The following NETO2 variants were observed in gnomAD, a reference collection of about 807,000 sequenced individuals.
NETO2 encodes neuropilin and tolloid-like protein 2.
NETO2 carries 28 observed loss-of-function variants against 62.5 expected under a neutral mutation model. The ratio of observed to expected loss-of-function variants is 0.45; its 90% CI spans 0.33 to 0.61. NETO2 has a LOEUF of 0.61. Among genes scored for constraint, NETO2 ranks in the 20% least tolerant of loss-of-function variants. The pLI, the probability that NETO2 is intolerant of heterozygous loss-of-function variation, is 0.02. For synonymous variants in NETO2, 214 were observed against 219.1 expected (o/e 0.98, Z 0.21); for missense variants, 548 against 643.2 (o/e 0.85, Z 1.60).
rs1278317405 is a variant in NETO2 at position 47,081,341 on chromosome 16, G to A, written c.*1880C>T. The A allele has an allele frequency of 6.6e-6, 1 of 152,056 alleles. No individual in the cohort carries two copies. Among genetic ancestry groups the A allele is most frequent in the Non-Finnish European group, 1.5e-5 (1 of 67,966 alleles). The allele number at this position is 152,056 out of a possible 1,614,324, so 9.4% of individuals were successfully genotyped here. A position where few individuals can be genotyped will look rare whatever the true frequency, so the allele number is the denominator to read the frequency against. On this transcript the variant is annotated 3_prime_UTR_variant, in exon 9 of 9. Coordinates refer to ENST00000562435, the MANE Select transcript of NETO2 (RefSeq NM_018092.5). ...GCATAACTACTGAAAAAACTTAGCT[G>A]TCTCTGGTATTAGTTCATTGAATAT...
chr16:47,120,369 T>C (rs970553210), intron 6 of NETO2, among the ~76,000 whole-genome samples: 3 of 152,232 alleles, frequency 2.0e-5, no homozygotes, highest in African/African-American at 7.2e-5. Flanking sequence ...CTCATTCTTT[T>C]ATTTTTTACT....
At chr16:47,115,236 A>G (rs2880117) in intron 6 of NETO2, among the ~76,000 whole-genome samples, 105,031 of 151,956 alleles carry the variant, frequency 0.69, 36,734 homozygotes, top group East Asian at 0.92. Context: ...TTTCCATTAC[A>G]TTCTAGAATC....
At chr16:47,121,448 G>A (rs1964038240) in intron 6 of NETO2, among the ~76,000 whole-genome samples, 2 of 152,304 alleles carry the variant, frequency 1.3e-5, no homozygotes, top group Middle Eastern at 3.4e-3. Flanking sequence ...TGACTCCTGG[G>A]TTGAGCAGGG....
chr16:47,124,690 G>A (rs1370624193), intron 4 of NETO2, among the ~76,000 whole-genome samples: 3 of 152,176 alleles, frequency 2.0e-5, no homozygotes, highest in Admixed American at 1.3e-4. Context: ...ACATGATAGA[G>A]TAGGAAGTAT....
At chr16:47,126,757 C>G (rs1964165885) in intron 4 of NETO2, among the ~76,000 whole-genome samples, 1 of 152,088 alleles carries the variant, frequency 6.6e-6, no homozygotes, top group Non-Finnish European at 1.5e-5. Context: ...TTGCTGTGAA[C>G]CTAAAACTGT....
intron 7 of NETO2, among the ~76,000 whole-genome samples, chr16:47,106,262 A>C (rs927299596): frequency 3.3e-5 from 5 of 152,222 alleles, no homozygotes; most frequent in African/African-American, 1.2e-4. Flanking sequence ...GGAAATTCAC[A>C]GAGACAGAAA....
chr16:47,105,693 A>G (rs577502739), intron 7 of NETO2, among the ~76,000 whole-genome samples: 5 of 152,250 alleles, frequency 3.3e-5, no homozygotes, highest in Non-Finnish European at 7.3e-5. Context: ...TCTGCAAAGA[A>G]GATGTATGAA....
At position 47,082,104 on chromosome 16, in the gene NETO2, T is replaced by TA. The variant is rs1247192515; in HGVS notation, c.*1116dup. 4.6e-5 allele frequency: 7 copies of TA among 152,306 alleles called. No individual in the cohort carries two copies. Among genetic ancestry groups the TA allele is most frequent in the Non-Finnish European group, 1.0e-4 (7 of 67,774 alleles). The allele number at this position is 152,306 out of a possible 1,614,324, so 9.4% of individuals were successfully genotyped here. On this transcript the variant is annotated 3_prime_UTR_variant, in exon 9 of 9. Coordinates refer to ENST00000562435, the MANE Select transcript of NETO2 (RefSeq NM_018092.5). Reference sequence around the variant, plus strand: ...ACAATGAGCTTTTATGTTTATAAATTATTGTTTTTATACCATAAAAAAAGT... The same window carrying TA: ...ACAATGAGCTTTTATGTTTATAAATTAATTGTTTTTATACCATAAAAAAAGT...
intron 7 of NETO2, among the ~76,000 whole-genome samples, chr16:47,089,342 T>C (rs904331956): frequency 6.6e-6 from 1 of 152,216 alleles, no homozygotes; most frequent in Non-Finnish European, 1.5e-5. Context: ...AAATGGTTTC[T>C]ATTATCAGTT....
Position 47,121,804 on chromosome 16 carries a change from T to C in NETO2, c.654+853A>G, listed in dbSNP as rs117721848. On this transcript the variant is annotated intron_variant, in intron 6 of 8. Coordinates refer to ENST00000562435, the MANE Select transcript of NETO2 (RefSeq NM_018092.5). ...GGCATCTGTAACATCAATTTCAGTT[T>C]ATTAATCTACAGTTCTCTCTCTTCA... Among the ~76,000 whole-genome samples, 27 of 152,338 alleles carry C rather than the reference T, an allele frequency of 1.8e-4. No homozygotes were observed. The East Asian group carries it at 5.2e-3, about 29-fold the overall frequency.
intron 7 of NETO2, among the ~76,000 whole-genome samples, chr16:47,091,168 C>A (rs1963305059): frequency 6.6e-6 from 1 of 152,182 alleles, no homozygotes; most frequent in Admixed American, 6.5e-5. Flanking sequence ...TTTAATCACA[C>A]ACACTTTTTC....
chr16:47,138,399 CAAACA>C (rs1160098662), intron 1 of NETO2, among the ~76,000 whole-genome samples: 1 of 152,062 alleles, frequency 6.6e-6, no homozygotes, highest in Admixed American at 6.6e-5. Context: ...GACTCCATCT[CAAACA>C]AAACAAAACA....
chr16:47,090,873 C>G (rs1963297751), intron 7 of NETO2, among the ~76,000 whole-genome samples: 1 of 152,162 alleles, frequency 6.6e-6, no homozygotes, highest in African/African-American at 2.4e-5. Flanking sequence ...CAAAATTATT[C>G]TATTTCAGTT....
chr16:47,141,989 G>A (rs1964469520), intron 1 of NETO2, among the ~76,000 whole-genome samples: 2 of 152,302 alleles, frequency 1.3e-5, no homozygotes, highest in African/African-American at 4.8e-5. Context: ...GTAAAGCGGT[G>A]TGACAGATCT....
chr16:47,143,580 T>G lies in NETO2; in HGVS notation c.33A>C (p.Lys11Asn), dbSNP rs956043233. ...CGTGGCCCCAGCCCCGGTCCTTACC[T>G]TTGAGGACCGAGCAGAGCCGCTCCA... MALERLCSVL[K>N]VLLITVLVVE... Residue 11 changes from lysine to asparagine, a missense_variant and splice_region_variant, in exon 1 of 9, where the codon AAA becomes AAC. Lys to Asn is a moderately conservative substitution (Grantham distance 94, BLOSUM62 0). Coordinates refer to ENST00000562435, the MANE Select transcript of NETO2 (RefSeq NM_018092.5). 3.3e-6 allele frequency: 4 copies of G among 1,222,990 alleles called. No individual in the cohort carries two copies. Among genetic ancestry groups the G allele is most frequent in the Non-Finnish European group, 4.1e-6 (4 of 978,304 alleles). 75.8% of individuals were successfully genotyped at this position (1,222,990 alleles called of 1,614,324 possible). A position where few individuals can be genotyped will look rare whatever the true frequency, so the allele number is the denominator to read the frequency against.
At chr16:47,118,348 G>C (rs1267044805) in intron 6 of NETO2, among the ~76,000 whole-genome samples, 2 of 152,194 alleles carry the variant, frequency 1.3e-5, no homozygotes, top group Non-Finnish European at 2.9e-5. Context: ...TCCACACACA[G>C]GCACCTCAGA....
chr16:47,133,829 T>A (rs1964318231), intron 1 of NETO2, among the ~76,000 whole-genome samples: 1 of 152,210 alleles, frequency 6.6e-6, no homozygotes, highest in Admixed American at 6.5e-5. Context: ...TGTGGACTTC[T>A]AACTATAATG....
intron 4 of NETO2, 28 bp from the exon 5 acceptor site, chr16:47,122,940 T>C: frequency 6.2e-7 from 1 of 1,603,496 alleles, no homozygotes; most frequent in Non-Finnish European, 8.5e-7. Flanking sequence ...AGAAAGTCAT[T>C]GGTACTGAGA....
chr16:47,143,497 G>A (rs1475000936), intron 1 of NETO2, 82 bp downstream of exon 1: 3 of 1,208,054 alleles, frequency 2.5e-6, no homozygotes, highest in South Asian at 4.1e-5. Context: ...GCGCGGGTAA[G>A]GGACGCAGAG....
Sources: allele counts gnomAD v4.1 joint callset (sites outside exome capture counted in the v4.1 genomes callset), GRCh38; gene constraint gnomAD v4.1.1; transcripts MANE v1.5; gene names NCBI Gene and HGNC (gene_info 2026-07-23, HGNC 2026-07-21).